The following DNAAF4 variants were observed in gnomAD, a reference collection of about 807,000 sequenced individuals.
The protein encoded by DNAAF4 is dynein assembly factor 4, axonemal.
DNAAF4 carries 43 observed loss-of-function variants against 51.8 expected under a neutral mutation model. That is an observed-to-expected ratio of 0.83 (90% CI 0.65 to 1.07). DNAAF4 has a LOEUF of 1.07. Among genes scored for constraint, DNAAF4 ranks in the 50% least tolerant of loss-of-function variants. The pLI, the probability that DNAAF4 is intolerant of heterozygous loss-of-function variation, is 0.00. For synonymous variants in DNAAF4, 194 were observed against 165.6 expected (o/e 1.17, Z -1.32); for missense variants, 581 against 493.0 (o/e 1.18, Z -1.69).
intron 5 of DNAAF4, among the ~76,000 whole-genome samples, chr15:55,454,857 A>G (rs538897653): frequency 6.6e-6 from 1 of 151,254 alleles, no homozygotes; most frequent in Admixed American, 6.6e-5. Context: ...TAAAACAACC[A>G]GAAACAAAGG....
chr15:55,423,225 A>G (rs906092631), intron 7 of DNAAF4, among the ~76,000 whole-genome samples: 1 of 150,008 alleles, frequency 6.7e-6, no homozygotes, highest in African/African-American at 2.5e-5. Flanking sequence ...TTTTTGAGTC[A>G]GGGTCTCCCT....
downstream of DNAAF4, among the ~76,000 whole-genome samples, chr15:55,429,276 T>C (rs577059336): frequency 2.0e-4 from 31 of 151,624 alleles, no homozygotes; most frequent in Admixed American, 5.3e-4. Context: ...TCCCTGCACT[T>C]TGGGAGGCCG....
chr15:55,448,619 C>T (rs931199552), intron 6 of DNAAF4, among the ~76,000 whole-genome samples: 1 of 150,738 alleles, frequency 6.6e-6, no homozygotes, highest in Non-Finnish European at 1.5e-5. Context: ...CCTGTAATCC[C>T]AGCACTTTGG....
chr15:55,430,257 A>C (rs149939783), downstream of DNAAF4: 7 of 470,262 alleles, frequency 1.5e-5, no homozygotes, highest in African/African-American at 1.3e-4. Flanking sequence ...TATTTATTAT[A>C]CCAAAGTCAA....
chr15:55,444,422 T>C (rs149764059), intron 6 of DNAAF4, among the ~76,000 whole-genome samples: 5,548 of 152,308 alleles, frequency 0.036, 102 homozygotes, highest in African/African-American at 0.05. Flanking sequence ...TCAGTATCAG[T>C]ACCATGCTGT....
chr15:55,446,447 T>A (rs543023153), intron 6 of DNAAF4, among the ~76,000 whole-genome samples: 17 of 139,166 alleles, frequency 1.2e-4, no homozygotes, highest in Non-Finnish European at 2.0e-4. Context: ...GCTCCCCACT[T>A]CCCAGATGGG....
In DNAAF4 at chr15:55,434,790, T is replaced by C. The variant is rs1281323721; in HGVS notation, c.1047+115A>G. ...AAAAAAGATTCAATAAGAAAGACAA[T>C]CTTTAAAATCTTTGCATCTCAATTA... On this transcript the variant is annotated intron_variant, in intron 8 of 9. Coordinates refer to ENST00000321149, the MANE Select transcript of DNAAF4 (RefSeq NM_130810.4). 4.4e-6 allele frequency: 4 copies of C among 914,554 alleles called. No homozygotes were observed. In the East Asian group the frequency reaches 1.2e-4, roughly 27 times the overall value. 56.7% of individuals were successfully genotyped at this position (914,554 alleles called of 1,614,324 possible).
rs768997388 is a variant in DNAAF4 at position 55,497,727 on chromosome 15, G to T, written c.256C>A (p.Leu86Ile). 1 of 1,609,608 alleles carries T rather than the reference G, an allele frequency of 6.2e-7. No homozygotes were observed. The highest frequency in any genetic ancestry group is 8.5e-7 in the Non-Finnish European group (1 of 1,178,642). Reference sequence around the variant, plus strand: ...AAGAACTTACCACCCGTCACAGAAAGGGTCTCCCACATGGCCGCTTCTTTT... The same window carrying T: ...AAGAACTTACCACCCGTCACAGAAATGGTCTCCCACATGGCCGCTTCTTTT... ...YKKEAAMWET[L>I]SVTGVDKEMM... Residue 86 changes from leucine (L) to isoleucine (I), a missense_variant, in exon 3 of 10, where the codon CTT becomes ATT. Leu to Ile is a conservative substitution (Grantham distance 5). Coordinates refer to ENST00000321149, the MANE Select transcript of DNAAF4 (RefSeq NM_130810.4).
At chr15:55,484,030 C>T (rs1473704188) in intron 4 of DNAAF4, among the ~76,000 whole-genome samples, 1 of 151,588 alleles carries the variant, frequency 6.6e-6, no homozygotes, top group Non-Finnish European at 1.5e-5. Context: ...CACATCAAAA[C>T]CACAATGAGA....
chr15:55,443,546 C>T (rs1428520834), intron 6 of DNAAF4, among the ~76,000 whole-genome samples: 1 of 152,198 alleles, frequency 6.6e-6, no homozygotes, highest in Non-Finnish European at 1.5e-5. Context: ...GATTGATAAT[C>T]TTTGGGTATA....
rs1256042862 is a variant in DNAAF4 at position 55,450,237 on chromosome 15, T to G, written c.768A>C (p.Val256=). 1 of 1,611,784 alleles carries G rather than the reference T, an allele frequency of 6.2e-7. No individual in the cohort carries two copies. The highest frequency in any genetic ancestry group is 1.3e-5 in the African/African-American group (1 of 74,860). Reference sequence around the variant, plus strand: ...GTATATATACCTCCTCCTCTTCTGCTACTTGTGATTCACGAAGAGCTGTTG... The same window carrying G: ...GTATATATACCTCCTCCTCTTCTGCGACTTGTGATTCACGAAGAGCTGTTG... ...VFPTALRESQ[V]AEEEEWLHKQ... The change falls in exon 6 of 10, where the codon GTA becomes GTC. Residue 256 remains valine, a synonymous_variant. Transcript: ENST00000321149.
At chr15:55,460,167 A>G (rs1290503760) in intron 5 of DNAAF4, among the ~76,000 whole-genome samples, 1 of 148,894 alleles carries the variant, frequency 6.7e-6, no homozygotes, top group African/African-American at 2.5e-5. Flanking sequence ...TTATTTATTT[A>G]TTTATTTACT....
intron 6 of DNAAF4, among the ~76,000 whole-genome samples, chr15:55,448,520 GTGTGTGTGTGT>G (rs1425040039): frequency 5.1e-3 from 156 of 30,336 alleles, no homozygotes; most frequent in African/African-American, 5.8e-3. Flanking sequence ...AAAAAAAAGG[GTGTGTGTGTGT>G]GTGTGTGTGT....
chr15:55,432,399 A>G, intron 9 of DNAAF4, 98 bp downstream of exon 9: 1 of 821,706 alleles, frequency 1.2e-6, no homozygotes, highest in Non-Finnish European at 1.9e-6. Flanking sequence ...AAAAATATTT[A>G]AAAATGGAGT....
intron 2 of DNAAF4, 144 bp downstream of exon 2, chr15:55,498,063 T>A (rs1000526997): frequency 6.3e-6 from 9 of 1,424,960 alleles, no homozygotes; most frequent in Admixed American, 2.4e-5. Flanking sequence ...GTGTGTTACC[T>A]GTATGGGATT....
intron 4 of DNAAF4, among the ~76,000 whole-genome samples, chr15:55,478,185 C>G (rs2058361785): frequency 6.6e-6 from 1 of 152,214 alleles, no homozygotes; most frequent in South Asian, 2.1e-4. Context: ...TTACTCTGTA[C>G]TTACTGCTTA....
intron 4 of DNAAF4, among the ~76,000 whole-genome samples, chr15:55,473,843 T>G (rs186518151): frequency 6.6e-6 from 1 of 151,610 alleles, no homozygotes; most frequent in Admixed American, 6.6e-5. Flanking sequence ...AATAAAAAAA[T>G]TAGCTGGGCG....
At chr15:55,482,288 T>C (rs2058422754) in intron 4 of DNAAF4, among the ~76,000 whole-genome samples, 2 of 152,176 alleles carry the variant, frequency 1.3e-5, no homozygotes, top group Admixed American at 6.5e-5. Flanking sequence ...GTATAGCCAT[T>C]GTGGAAAACT....
intron 6 of DNAAF4, among the ~76,000 whole-genome samples, chr15:55,445,032 C>CTTTTTTTTT (rs35988188): frequency 9.2e-6 from 1 of 109,044 alleles, no homozygotes. Context: ...ATTGAATACC[C>CTTTTTTTTT]TTTTTTTTTT....
Sources: gnomAD v4.1 joint callset for allele counts (sites outside exome capture counted in the v4.1 genomes callset) on GRCh38, gnomAD v4.1.1 for gene constraint, MANE v1.5 for transcripts, NCBI Gene and HGNC (gene_info 2026-07-23, HGNC 2026-07-21) for gene names.